Variants in OSER1 observed in about 807,000 individuals in gnomAD.
The protein encoded by OSER1 is oxidative stress-responsive serine-rich protein 1.
OSER1 carries 15 observed loss-of-function variants against 26.3 expected under a neutral mutation model. The observed-to-expected ratio is 0.57, with a 90% CI of 0.38 to 0.88. OSER1 has a LOEUF of 0.88. OSER1 is among the 40% of genes least tolerant of loss of function. OSER1 has a pLI of 0.00. For synonymous variants in OSER1, 127 were observed against 128.2 expected (o/e 0.99, Z 0.07); for missense variants, 313 against 353.9 (o/e 0.88, Z 0.93).
chr20:44,204,351 T>C (rs1008731918), intron 2 of OSER1, among the ~76,000 whole-genome samples: 8 of 152,220 alleles, frequency 5.3e-5, no homozygotes, highest in African/African-American at 1.9e-4. Flanking sequence ...CTAGAATGTA[T>C]GATACACTAC....
intron 2 of OSER1, 23 bp from the exon 3 acceptor site, chr20:44,203,097 C>CAGTTTTTTGT: frequency 1.5e-6 from 2 of 1,309,864 alleles, no homozygotes; most frequent in South Asian, 1.2e-5. Context: ...ACAAAGTTTA[C>CAGTTTTTTGT]AGCTACAAAA....
At chr20:44,205,935 G>A (rs918379606) in intron 2 of OSER1, among the ~76,000 whole-genome samples, 1 of 88,294 alleles carries the variant, frequency 1.1e-5, no homozygotes, top group Admixed American at 1.5e-4. Context: ...GCCAGAATCC[G>A]TCTCAAAAAA....
chr20:44,206,022 C>G (rs892906759), intron 2 of OSER1, among the ~76,000 whole-genome samples: 5 of 151,204 alleles, frequency 3.3e-5, no homozygotes, highest in Admixed American at 3.3e-4. Flanking sequence ...CAACGTCCTA[C>G]CAATGTGACT....
Position 44,197,161 on chromosome 20 carries a change from G to A in OSER1, c.770C>T (p.Ala257Val). ...GGTCACATCATCCACGAAGACTCGA[G>A]CTTGCTCAGAACAGGATCGGGGAGA... ...SGSPRSCSEQ[A>V]RVFVDDVTIE... Residue 257 changes from alanine (A) to valine (V), a missense_variant, in exon 4 of 4, where the codon GCT becomes GTT. Physicochemically the swap from Ala to Val is moderately conservative, Grantham distance 64. Transcript: ENST00000255174. 1 of 1,614,032 alleles carries A rather than the reference G, an allele frequency of 6.2e-7. No individual in the cohort carries two copies. Among genetic ancestry groups the A allele is most frequent in the Non-Finnish European group, 8.5e-7 (1 of 1,179,858 alleles).
chr20:44,201,839 G>C (rs944248214), intron 3 of OSER1, among the ~76,000 whole-genome samples: 1 of 152,080 alleles, frequency 6.6e-6, no homozygotes, highest in Non-Finnish European at 1.5e-5. Flanking sequence ...GAAAACAATT[G>C]TGTTTAAACA....
rs780655038 is a variant in OSER1 at position 44,203,035 on chromosome 20, GAC to G, written c.115_116del (p.Val39GlnfsTer10). On this transcript the variant is annotated frameshift_variant, in exon 3 of 4. Coordinates refer to ENST00000255174, the MANE Select transcript of OSER1 (RefSeq NM_016470.8). LOFTEE classifies it high-confidence loss of function. ...ASLSVGEGTGVRAPVRTATDD... is the reference protein window; with the variant it reads ...ASLSVGEGTGXRAPVRTATDD... ...CTGTTGCTGTTCTGACTGGTGCTCT[GAC>G]ACCTGTGCCTTCTCCAACAGACAGA... 1 of 1,612,518 alleles carries G rather than the reference GAC, an allele frequency of 6.2e-7. No homozygotes were observed. The highest frequency in any genetic ancestry group is 1.3e-5 in the African/African-American group (1 of 74,890).
intron 3 of OSER1, among the ~76,000 whole-genome samples, chr20:44,199,930 G>T (rs2072963701): frequency 6.6e-6 from 1 of 152,214 alleles, no homozygotes; most frequent in South Asian, 2.1e-4. Flanking sequence ...AAATAAATCT[G>T]AATTATTTGT....
At position 44,197,481 on chromosome 20, in the gene OSER1, C is replaced by T. The variant is rs774284124; in HGVS notation, c.450G>A (p.Leu150=). Residue 150 remains leucine, a synonymous_variant, in exon 4 of 4, where the codon TTG becomes TTA. Coordinates refer to ENST00000255174, the MANE Select transcript of OSER1 (RefSeq NM_016470.8). ...ATGGGAGCCTTGGAACAGAAGTTCT[C>T]AAAGGCTCAACGACTGCCCCTGTGT... ...ANHTGAVVEP[L]RTSVPRLPSE... 1 of 1,614,148 alleles carries T rather than the reference C, an allele frequency of 6.2e-7. No individual in the cohort carries two copies. The highest frequency in any genetic ancestry group is 1.1e-5 in the South Asian group (1 of 91,076).
At chr20:44,210,855 C>T (rs886326957), upstream of OSER1, 2 of 152,322 alleles carry the variant, frequency 1.3e-5, no homozygotes, top group Non-Finnish European at 2.9e-5. Context: ...CACCCCTCCC[C>T]CTGCTTATGC....
chr20:44,207,022 A>T (rs1345560166), intron 1 of OSER1, 24 bp from the exon 2 acceptor site: 13 of 1,221,990 alleles, frequency 1.1e-5, no homozygotes, highest in Non-Finnish European at 1.6e-5. Context: ...TAAAGTGAGC[A>T]AAGTAAAAAC....
At chr20:44,199,746 G>A (rs2072961738) in intron 3 of OSER1, among the ~76,000 whole-genome samples, 1 of 152,172 alleles carries the variant, frequency 6.6e-6, no homozygotes, top group Non-Finnish European at 1.5e-5. Context: ...TAGTTAAGAT[G>A]GAAAAGGCAT....
At chr20:44,201,301 T>C (rs2072979395) in intron 3 of OSER1, among the ~76,000 whole-genome samples, 1 of 152,172 alleles carries the variant, frequency 6.6e-6, no homozygotes, top group Non-Finnish European at 1.5e-5. Flanking sequence ...TCCTCAGATT[T>C]TGGTATTGAG....
rs762922760 is a variant in OSER1 at position 44,197,392 on chromosome 20, C to T, written c.539G>A (p.Ser180Asn). The change falls in exon 4 of 4, where the codon AGT (serine) becomes AAT (asparagine). Residue 180 changes from serine to asparagine, a missense_variant. Ser to Asn is a conservative substitution (Grantham distance 46). This residue lies in a region of OSER1 where 300 missense variants were observed against 318.3 expected (regional missense o/e 0.94). Coordinates refer to ENST00000255174, the MANE Select transcript of OSER1 (RefSeq NM_016470.8). Reference protein sequence around the residue: ...TQVPQASLKASDLSDFQSVSK... With the variant: ...TQVPQASLKANDLSDFQSVSK... The stretch of plus-strand genomic sequence containing the variant: ...AACTGATTGAAAGTCAGAGAGATCA[C>T]TGGCTTTGAGACTTGCTTGGGGGAC... 2 of 1,614,224 alleles carry T rather than the reference C, an allele frequency of 1.2e-6. No individual in the cohort carries two copies. Among genetic ancestry groups the T allele is most frequent in the South Asian group, 1.1e-5 (1 of 91,086 alleles).
intron 3 of OSER1, among the ~76,000 whole-genome samples, chr20:44,200,888 C>T (rs1025888084): frequency 3.3e-5 from 5 of 152,120 alleles, no homozygotes; most frequent in African/African-American, 1.2e-4. Context: ...ACCAATGTAA[C>T]GAAACCAGAA....
chr20:44,197,219 A>G lies in OSER1; in HGVS notation c.712T>C (p.Ser238Pro), dbSNP rs374925494. 9.9e-6 allele frequency: 16 copies of G among 1,614,150 alleles called. No homozygotes were observed. Among genetic ancestry groups the G allele is most frequent in the African/African-American group, 2.7e-5 (2 of 74,954 alleles). ...PERRSTLEDY[S>P]QSLHARTLSG... Reference sequence around the variant, plus strand: ...AGAGTTCTGGCGTGCAGCGACTGAGAGTAGTCCTCAAGTGTGGATCTTCGT... The same window carrying G: ...AGAGTTCTGGCGTGCAGCGACTGAGGGTAGTCCTCAAGTGTGGATCTTCGT... Residue 238 changes from serine (S) to proline (P), a missense_variant, in exon 4 of 4, where the codon TCT (serine) becomes CCT (proline). Physicochemically the swap from Ser to Pro is moderately conservative, Grantham distance 74. This residue lies in a region of OSER1 where 300 missense variants were observed against 318.3 expected (regional missense o/e 0.94). Coordinates refer to ENST00000255174, the MANE Select transcript of OSER1 (RefSeq NM_016470.8).
chr20:44,209,800 T>G (rs986547055), intron 1 of OSER1, among the ~76,000 whole-genome samples: 1 of 151,992 alleles, frequency 6.6e-6, no homozygotes, highest in Non-Finnish European at 1.5e-5. Flanking sequence ...ATCCCAAGCC[T>G]AGGTCTACAC....
chr20:44,204,204 A>C (rs953474365), intron 2 of OSER1, among the ~76,000 whole-genome samples: 1 of 152,234 alleles, frequency 6.6e-6, no homozygotes, highest in Non-Finnish European at 1.5e-5. Context: ...AAATATATAG[A>C]GATTTGTCCT....
At chr20:44,203,965 G>A in intron 2 of OSER1, among the ~76,000 whole-genome samples, 1 of 152,062 alleles carries the variant, frequency 6.6e-6, no homozygotes, top group East Asian at 1.9e-4. Flanking sequence ...ATGATATGGG[G>A]GAATGCTTAT....
rs897299819 is a variant in OSER1 at position 44,197,351 on chromosome 20, C to T, written c.580G>A (p.Gly194Ser). The change falls in exon 4 of 4, where the codon GGC becomes AGC. Residue 194 changes from glycine (G) to serine (S), a missense_variant. By Grantham distance (56) the Gly-to-Ser change is moderately conservative (BLOSUM62 0). Transcript: ENST00000255174. ...TTGCCTATGCATGTGCATGGCTTGC[C>T]CTGGTTTAGCTTGGAAACTGATTGA... ...DFQSVSKLNQ[G>S]KPCTCIGKEC... 6.2e-7 allele frequency: 1 copy of T among 1,614,080 alleles called. No homozygotes were observed. Among genetic ancestry groups the T allele is most frequent in the Non-Finnish European group, 8.5e-7 (1 of 1,180,054 alleles).
Sources: gnomAD v4.1 joint callset for allele counts (sites outside exome capture counted in the v4.1 genomes callset) on GRCh38, gnomAD v4.1.1 for gene constraint, gnomAD v4.1.1 regional missense constraint, MANE v1.5 for transcripts, NCBI Gene and HGNC (gene_info 2026-07-23, HGNC 2026-07-21) for gene names.